The following FAM228B variants were observed in gnomAD, a reference collection of about 807,000 sequenced individuals.
FAM228B encodes protein FAM228B.
In FAM228B, 38 loss-of-function variants were observed where a neutral mutation model predicts 42.6. The ratio of observed to expected loss-of-function variants is 0.89; its 90% CI spans 0.69 to 1.17. The LOEUF (loss-of-function observed/expected upper bound fraction) is 1.17, where lower values mean the gene tolerates loss of function less well. FAM228B is among the 50% of genes most tolerant of loss of function. The pLI is 0.00. For missense variants in FAM228B, 344 were observed against 367.3 expected (o/e 0.94, Z 0.52); for synonymous variants, 109 against 122.3 (o/e 0.89, Z 0.72).
intron 3 of FAM228B, among the ~76,000 whole-genome samples, chr2:24,116,607 C>T (rs1421736644): frequency 6.6e-6 from 1 of 152,146 alleles, no homozygotes; most frequent in East Asian, 1.9e-4. Flanking sequence ...ATAATCCCAG[C>T]ACTTTGGGAG....
At chr2:24,121,421 G>C (rs1028482104), upstream of FAM228B, 14 of 924,208 alleles carry the variant, frequency 1.5e-5, no homozygotes, top group Admixed American at 5.9e-5. Flanking sequence ...GTTTTTAAAT[G>C]GTTGGGGAAA....
At chr2:24,125,962 C>A (rs992779548) in intron 2 of FAM228B, among the ~76,000 whole-genome samples, 1 of 152,204 alleles carries the variant, frequency 6.6e-6, no homozygotes, top group Non-Finnish European at 1.5e-5. Flanking sequence ...TTCTTTCACT[C>A]ATCATAATTA....
intron 2 of FAM228B, among the ~76,000 whole-genome samples, chr2:24,087,590 G>T (rs1665289745): frequency 6.6e-6 from 1 of 151,972 alleles, no homozygotes; most frequent in East Asian, 1.9e-4. Context: ...AGGGACTGGA[G>T]ATTACACGCT....
chr2:24,139,518 T>C, intron 5 of FAM228B, 68 bp downstream of exon 5: 3 of 868,578 alleles, frequency 3.5e-6, no homozygotes, highest in Non-Finnish European at 5.6e-6. Flanking sequence ...CCCTAATATA[T>C]GAGCAGTCCT....
At chr2:24,101,682 A>AT (rs972147242) in intron 3 of FAM228B, among the ~76,000 whole-genome samples, 1 of 151,736 alleles carries the variant, frequency 6.6e-6, no homozygotes, top group African/African-American at 2.4e-5. Flanking sequence ...ATTTTATTTT[A>AT]TTTTTTTATT....
At chr2:24,152,733 G>A (rs1347859858) in intron 7 of FAM228B, among the ~76,000 whole-genome samples, 8 of 152,302 alleles carry the variant, frequency 5.3e-5, no homozygotes, top group Admixed American at 6.5e-5. Flanking sequence ...ACCTGAAGAC[G>A]TCTAGTATAG....
chr2:24,135,914 G>A (rs946644296), intron 3 of FAM228B, among the ~76,000 whole-genome samples: 9 of 148,124 alleles, frequency 6.1e-5, no homozygotes, highest in Admixed American at 4.7e-4. Flanking sequence ...ATTAGGTTAT[G>A]CCACACTTCT....
chr2:24,142,130 C>A (rs921834929), intron 5 of FAM228B, among the ~76,000 whole-genome samples: 1 of 152,200 alleles, frequency 6.6e-6, no homozygotes, highest in Non-Finnish European at 1.5e-5. Flanking sequence ...CCAGACCCTG[C>A]TCCTGAGCTG....
At chr2:24,131,120 C>T (rs145798131) in intron 2 of FAM228B, among the ~76,000 whole-genome samples, 4,414 of 152,152 alleles carry the variant, frequency 0.029, 84 homozygotes, top group African/African-American at 0.055. Flanking sequence ...TCTGGTTTGT[C>T]GAAGATCAGA....
intron 2 of FAM228B, among the ~76,000 whole-genome samples, chr2:24,094,500 C>T (rs765872460): frequency 6.6e-6 from 1 of 152,086 alleles, no homozygotes; most frequent in Non-Finnish European, 1.5e-5. Context: ...TTCCCCCTCC[C>T]GAGAGACAGA....
intron 3 of FAM228B, among the ~76,000 whole-genome samples, chr2:24,108,878 C>T (rs1490345782): frequency 4.2e-5 from 6 of 144,498 alleles, no homozygotes; most frequent in Non-Finnish European, 7.5e-5. Context: ...TCCAGCCTGG[C>T]TGACAGAGCA....
In FAM228B at chr2:24,077,793, G is replaced by C. The variant is rs1454765992; in HGVS notation, c.-290+824G>C. ...CAAGGGAAAGGAGATCATCAGCCTGGGGAGAGAGCCTCACCCTGCCCTCCT... is the reference window on the plus strand; with the variant it reads ...CAAGGGAAAGGAGATCATCAGCCTGCGGAGAGAGCCTCACCCTGCCCTCCT... On this transcript the variant is annotated intron_variant, in intron 1 of 10. Coordinates refer to the FAM228B transcript ENST00000613899. This position sits in a 1 kb window ranked among gnomAD's most constrained non-coding sequence, Gnocchi z 5.5. 1.3e-6 allele frequency: 2 copies of C among 1,593,238 alleles called. No individual in the cohort carries two copies. Among genetic ancestry groups the C allele is most frequent in the South Asian group, 1.1e-5 (1 of 87,720 alleles).
intron 1 of FAM228B, chr2:24,079,460 C>A (rs1664902667): frequency 6.2e-7 from 1 of 1,613,964 alleles, no homozygotes; most frequent in Admixed American, 1.7e-5. Flanking sequence ...GTCCCTAGAC[C>A]TCAGCAAACT....
intron 9 of FAM228B, among the ~76,000 whole-genome samples, chr2:24,167,376 AT>A (rs549758997): frequency 1.5e-4 from 23 of 152,154 alleles, no homozygotes; most frequent in Non-Finnish European, 2.9e-4. Flanking sequence ...GAAGTGAGGA[AT>A]AACCGTGTTT....
chr2:24,103,209 G>A (rs1665639911), intron 3 of FAM228B, among the ~76,000 whole-genome samples: 1 of 152,190 alleles, frequency 6.6e-6, no homozygotes, highest in African/African-American at 2.4e-5. Context: ...GGCTCAAAGG[G>A]CTGTGTGAGC....
At position 24,082,984 on chromosome 2, in the gene FAM228B, C is replaced by T. The variant is rs368274051; in HGVS notation, c.-210+2029C>T. On this transcript the variant is annotated intron_variant, in intron 2 of 10. Transcript: ENST00000613899. ...TCTGGGATAGGCATGAGGAGCCCTT[C>T]GGGGACAGTGACGTACTGAGCCTGG... The T allele has an allele frequency of 1.3e-5, 21 of 1,614,040 alleles. No homozygotes were observed. Among genetic ancestry groups the T allele is most frequent in the Middle Eastern group, 1.6e-4 (1 of 6,080 alleles).
At chr2:24,112,808 T>C (rs537086495) in intron 3 of FAM228B, among the ~76,000 whole-genome samples, 1 of 152,310 alleles carries the variant, frequency 6.6e-6, no homozygotes, top group South Asian at 2.1e-4. Flanking sequence ...CATTGATCAC[T>C]GTCTCCCACG....
At chr2:24,093,620 A>ATTT (rs34596881) in intron 2 of FAM228B, among the ~76,000 whole-genome samples, 21,331 of 145,632 alleles carry the variant, frequency 0.15, 1,811 homozygotes, top group South Asian at 0.2. Flanking sequence ...ATATGTGTGC[A>ATTT]TTTTTTTTTT....
chr2:24,156,478 C>T (rs917036367), intron 7 of FAM228B, among the ~76,000 whole-genome samples: 20 of 151,942 alleles, frequency 1.3e-4, no homozygotes, highest in Admixed American at 2.6e-4. Flanking sequence ...ACTAAAAATA[C>T]AAAAAATCAG....
Sources: gnomAD v4.1 joint callset for allele counts (sites outside exome capture counted in the v4.1 genomes callset) on GRCh38, gnomAD v4.1.1 for gene constraint, Gnocchi (gnomAD v3.1) non-coding constraint, MANE v1.5 for transcripts, NCBI Gene and HGNC (gene_info 2026-07-23, HGNC 2026-07-21) for gene names.